Variants in RFX4 observed in about 807,000 individuals in gnomAD.
RFX4 encodes the protein regulatory factor X4.
In RFX4, 10 loss-of-function variants were observed where a neutral mutation model predicts 95.0. The observed-to-expected ratio is 0.11, with a 90% CI of 0.06 to 0.18. The LOEUF (loss-of-function observed/expected upper bound fraction) is 0.18. Ranked by LOEUF, RFX4 falls within the 10% of genes least tolerant of loss-of-function variation. The probability of loss-of-function intolerance (pLI) is 1.00; values close to 1 mark genes in which losing one functional copy is unlikely to be tolerated. For missense variants in RFX4, 640 were observed against 922.0 expected, an observed-to-expected ratio of 0.69 and a Z score of 3.96; for synonymous variants, 321 against 340.7, an observed-to-expected ratio of 0.94 and a Z score of 0.64.
intron 2 of RFX4, among the ~76,000 whole-genome samples, chr12:106,611,597 G>A (rs59947870): frequency 0.012 from 1,738 of 151,050 alleles, 16 homozygotes; most frequent in Middle Eastern, 0.048. Context: ...TGCAACCTCC[G>A]CCTCCCAGGT....
At chr12:106,751,645 G>A (rs2136095350) in intron 17 of RFX4, among the ~76,000 whole-genome samples, 2 of 148,398 alleles carry the variant, frequency 1.3e-5, no homozygotes, top group Non-Finnish European at 3.0e-5. Context: ...GGTGTGAGAT[G>A]GTATCTCATT....
At chr12:106,641,105 C>T (rs1426563324) in intron 3 of RFX4, among the ~76,000 whole-genome samples, 1 of 152,170 alleles carries the variant, frequency 6.6e-6, no homozygotes, top group Non-Finnish European at 1.5e-5. Context: ...CTTTAATAAC[C>T]TGAACATGTC....
intron 8 of RFX4, among the ~76,000 whole-genome samples, chr12:106,698,642 T>C (rs1592953577): frequency 6.6e-6 from 1 of 152,232 alleles, no homozygotes; most frequent in Admixed American, 6.5e-5. Context: ...TTTCTCTTAT[T>C]TAGATATCAG....
intron 1 of RFX4, among the ~76,000 whole-genome samples, chr12:106,603,306 G>C (rs1369985179): frequency 6.6e-6 from 1 of 152,218 alleles, no homozygotes; most frequent in Non-Finnish European, 1.5e-5. Context: ...CTGCTGTAAA[G>C]AGAATGAAGC....
At chr12:106,631,871 C>T (rs2040421945) in intron 2 of RFX4, among the ~76,000 whole-genome samples, 1 of 152,232 alleles carries the variant, frequency 6.6e-6, no homozygotes, top group Non-Finnish European at 1.5e-5. Context: ...AACCCTGTCC[C>T]TGCTGCAGGG....
intron 2 of RFX4, among the ~76,000 whole-genome samples, chr12:106,624,969 G>A (rs921203290): frequency 2.0e-5 from 3 of 152,202 alleles, no homozygotes; most frequent in Non-Finnish European, 4.4e-5. Flanking sequence ...TGAGAGGACT[G>A]CTTTTTCTGG....
chr12:106,598,657 T>G (rs2039654502), intron 1 of RFX4, among the ~76,000 whole-genome samples: 1 of 152,222 alleles, frequency 6.6e-6, no homozygotes, highest in South Asian at 2.1e-4. Context: ...AAAATCTATT[T>G]GGCTTCTGTA....
At chr12:106,701,477 C>T (rs544198968) in intron 8 of RFX4, among the ~76,000 whole-genome samples, 10 of 152,102 alleles carry the variant, frequency 6.6e-5, no homozygotes, top group African/African-American at 2.4e-4. Flanking sequence ...TCTCTTTTTT[C>T]TCCTCCTGAT....
rs1419105475 is a variant in RFX4, at chr12:106,648,624, G to GT, written c.192-5604_192-5603insT. Among the ~76,000 whole-genome samples the GT allele has an allele frequency of 5.8e-3, 864 of 148,158 alleles. 8 individuals are homozygous for GT. Among genetic ancestry groups the GT allele is most frequent in the Non-Finnish European group, 0.011 (712 of 66,810 alleles). On this transcript the variant is annotated intron_variant, in intron 3 of 17. Coordinates refer to ENST00000392842, the MANE Select transcript of RFX4 (RefSeq NM_213594.3). ...TTCTGTAAAAAAAAAAAATCCTGTG[G>GT]GGTTTTTTTTTTTTTTTTTTGGTAA...
At chr12:106,623,802 G>A (rs947105711) in intron 2 of RFX4, among the ~76,000 whole-genome samples, 4 of 152,284 alleles carry the variant, frequency 2.6e-5, no homozygotes, top group Non-Finnish European at 5.9e-5. Context: ...CAAAAATCCA[G>A]CAGAATGCTT....
At chr12:106,686,843 T>C in intron 5 of RFX4, 41 bp from the exon 6 acceptor site, 2 of 1,428,632 alleles carry the variant, frequency 1.4e-6, no homozygotes, top group African/African-American at 1.7e-5. Context: ...CTCTCTCTTT[T>C]TTTTTTTTTC....
chr12:106,708,769 C>T (rs554989101), intron 8 of RFX4, among the ~76,000 whole-genome samples: 25 of 152,298 alleles, frequency 1.6e-4, no homozygotes, highest in African/African-American at 3.6e-4. Flanking sequence ...CTCAGTGCTT[C>T]GCCTCTCCAG....
intron 3 of RFX4, among the ~76,000 whole-genome samples, chr12:106,649,731 A>G (rs898718874): frequency 2.0e-5 from 3 of 152,246 alleles, no homozygotes; most frequent in Non-Finnish European, 4.4e-5. Context: ...TTAGAAACTC[A>G]TGCTGTTTAA....
intron 15 of RFX4, 83 bp from the exon 16 acceptor site, chr12:106,747,354 A>G (rs779608234): frequency 1.4e-4 from 214 of 1,508,836 alleles, no homozygotes; most frequent in Non-Finnish European, 1.9e-4. Context: ...TCAACTTAAG[A>G]ACAAAGGGAA....
At chr12:106,715,165 C>T (rs2042263722) in intron 10 of RFX4, 1 of 462,812 alleles carries the variant, frequency 2.2e-6, no homozygotes, top group South Asian at 3.0e-5. Flanking sequence ...CCTAGCCCAC[C>T]CTCGCAGTTT....
At chr12:106,616,261 G>A (rs1017955838) in intron 2 of RFX4, among the ~76,000 whole-genome samples, 6 of 152,034 alleles carry the variant, frequency 3.9e-5, no homozygotes, top group African/African-American at 7.2e-5. Flanking sequence ...GAATTACATC[G>A]GTTGAATTTT....
rs951059571 is a variant in RFX4 at position 106,741,260 on chromosome 12, T to G, written c.1634-6177T>G. Among the ~76,000 whole-genome samples the G allele has an allele frequency of 2.0e-4, 30 of 152,210 alleles. 2 individuals carry two copies. The highest frequency in any genetic ancestry group is 2.0e-3 in the Admixed American group (30 of 15,294). ...CACGCCACTGGCACTCCAGCCTGCA[T>G]GACAGAGTGAGACTCTGTCTCAAAA... On this transcript the variant is annotated intron_variant, in intron 15 of 17. Coordinates refer to ENST00000392842, the MANE Select transcript of RFX4 (RefSeq NM_213594.3).
intron 13 of RFX4, among the ~76,000 whole-genome samples, chr12:106,726,046 C>T (rs1056391713): frequency 6.6e-6 from 1 of 151,820 alleles, no homozygotes; most frequent in African/African-American, 2.4e-5. Context: ...GTCAGGAGTT[C>T]GAGACCAGCC....
chr12:106,669,839 G>GT (rs1565972599), intron 4 of RFX4, among the ~76,000 whole-genome samples: 7,739 of 143,186 alleles, frequency 0.054, 358 homozygotes, highest in African/African-American at 0.12. Context: ...TTTTTCTAGG[G>GT]GTGTGTGTGT....
Sources: allele counts gnomAD v4.1 joint callset (sites outside exome capture counted in the v4.1 genomes callset), GRCh38; gene constraint gnomAD v4.1.1; transcripts MANE v1.5; gene names NCBI Gene and HGNC (gene_info 2026-07-23, HGNC 2026-07-21).